Variants in DLC1 observed in about 807,000 individuals in gnomAD.
The protein encoded by DLC1 is rho GTPase-activating protein 7.
In DLC1, 54 loss-of-function variants were observed where a neutral mutation model predicts 140.3. The observed-to-expected ratio is 0.38, with a 90% CI of 0.31 to 0.48. The LOEUF is 0.48. Among genes scored for constraint, DLC1 ranks in the 20% least tolerant of loss-of-function variants. The pLI is 0.96. For missense variants in DLC1, 2,536 were observed against 1,907.0 expected, an observed-to-expected ratio of 1.33 and a Z score of -6.14; for synonymous variants, 986 against 728.1, an observed-to-expected ratio of 1.35 and a Z score of -5.70.
intron 1 of DLC1, among the ~76,000 whole-genome samples, chr8:13,506,063 G>A (rs1330431260): frequency 6.9e-6 from 1 of 143,990 alleles, no homozygotes; most frequent in East Asian, 1.9e-4. Flanking sequence ...ATGTGTGTGT[G>A]TATATATAAA....
intron 16 of DLC1, 43 bp downstream of exon 16, chr8:13,088,444 T>C (rs1817751484): frequency 1.9e-6 from 3 of 1,598,758 alleles, no homozygotes; most frequent in East Asian, 2.2e-5. Flanking sequence ...GGTTCATATA[T>C]GGAGTCATCC....
At chr8:13,220,871 G>C (rs1828509503) in intron 5 of DLC1, among the ~76,000 whole-genome samples, 1 of 152,136 alleles carries the variant, frequency 6.6e-6, no homozygotes, top group Non-Finnish European at 1.5e-5. Flanking sequence ...CTTGGAAAGG[G>C]TGACTGTGGG....
chr8:13,321,652 T>C (rs1439926344), intron 4 of DLC1, among the ~76,000 whole-genome samples: 1 of 151,924 alleles, frequency 6.6e-6, no homozygotes, highest in Non-Finnish European at 1.5e-5. Context: ...GTTAGCAGCA[T>C]TCTTTTCTGC....
At chr8:13,254,463 C>T (rs1248992188) in intron 5 of DLC1, among the ~76,000 whole-genome samples, 1 of 152,174 alleles carries the variant, frequency 6.6e-6, no homozygotes, top group African/African-American at 2.4e-5. Flanking sequence ...TGGAAACAAA[C>T]TATAACCTAT....
chr8:13,315,168 G>A (rs183113851), intron 4 of DLC1, among the ~76,000 whole-genome samples: 38 of 152,222 alleles, frequency 2.5e-4, no homozygotes, highest in African/African-American at 8.4e-4. Flanking sequence ...GAATCCCAGC[G>A]CTTTGGGAGG....
chr8:13,173,751 G>A (rs1825617568), intron 5 of DLC1, among the ~76,000 whole-genome samples: 1 of 152,126 alleles, frequency 6.6e-6, no homozygotes, highest in South Asian at 2.1e-4. Flanking sequence ...TAAAACTACA[G>A]ATTTCGAATG....
At chr8:13,487,714 A>G (rs1205939812) in intron 2 of DLC1, among the ~76,000 whole-genome samples, 1 of 151,988 alleles carries the variant, frequency 6.6e-6, no homozygotes, top group Non-Finnish European at 1.5e-5. Context: ...CTGGGATGAC[A>G]GGTGCCCACC....
chr8:13,431,482 C>CAAAAAAAAAAAAAAAAAAAAAAAAA (rs56057254), intron 2 of DLC1, among the ~76,000 whole-genome samples: 2 of 40,596 alleles, frequency 4.9e-5, no homozygotes, highest in Non-Finnish European at 7.9e-5. Context: ...GACTCCGTCT[C>CAAAAAAAAAAAAAAAAAAAAAAAAA]AAAAAAAAAA....
At chr8:13,452,425 A>G (rs41421244) in intron 2 of DLC1, among the ~76,000 whole-genome samples, 39,694 of 151,998 alleles carry the variant, frequency 0.26, 6,480 homozygotes, top group Middle Eastern at 0.38. Flanking sequence ...AACAATTTCT[A>G]CTTTACATCA....
chr8:13,484,222 A>G (rs1482398915), intron 2 of DLC1, among the ~76,000 whole-genome samples: 2 of 152,194 alleles, frequency 1.3e-5, no homozygotes, highest in Non-Finnish European at 2.9e-5. Context: ...GTAGAGAATA[A>G]AGGAAATGGA....
At chr8:13,418,671 G>C (rs1336086541) in intron 2 of DLC1, among the ~76,000 whole-genome samples, 1 of 152,150 alleles carries the variant, frequency 6.6e-6, no homozygotes, top group Admixed American at 6.5e-5. Flanking sequence ...TTGTTCTTTT[G>C]GCTTAGGATT....
intron 2 of DLC1, among the ~76,000 whole-genome samples, chr8:13,442,103 A>C (rs1798540304): frequency 6.6e-6 from 1 of 152,230 alleles, no homozygotes; most frequent in Admixed American, 6.5e-5. Context: ...AGAAATGGGG[A>C]AAGGATTCCC....
chr8:13,561,662 C>A lies in DLC1; in HGVS notation c.-126+42875G>T, dbSNP rs142119828. ...TTCATTTACCTGCTTATCTACCTACCAGAGCTTTGCAATAATAGCAGTTTA... is the reference window on the plus strand; with the variant it reads ...TTCATTTACCTGCTTATCTACCTACAAGAGCTTTGCAATAATAGCAGTTTA... On this transcript the variant is annotated intron_variant, in intron 1 of 1. Coordinates refer to the DLC1 transcript ENST00000631382. 8.5e-3 allele frequency among the ~76,000 whole-genome samples: 1,296 copies of A among 152,018 alleles called. 20 individuals are homozygous for A. Among genetic ancestry groups the A allele is most frequent in the African/African-American group, 0.029 (1,218 of 41,472 alleles).
At chr8:13,138,993 AAG>A (rs1340635902) in intron 5 of DLC1, among the ~76,000 whole-genome samples, 4 of 152,104 alleles carry the variant, frequency 2.6e-5, no homozygotes, top group African/African-American at 9.7e-5. Context: ...TGATATTTTT[AAG>A]AGAGAGAAGC....
At chr8:13,142,023 G>A (rs1402570770) in intron 5 of DLC1, among the ~76,000 whole-genome samples, 4 of 152,128 alleles carry the variant, frequency 2.6e-5, no homozygotes, top group African/African-American at 4.8e-5. Context: ...TGCTGTTCTC[G>A]TGATAGTGAG....
intron 5 of DLC1, chr8:13,214,336 G>C (rs917421947): frequency 1.4e-5 from 4 of 295,830 alleles, no homozygotes; most frequent in South Asian, 1.7e-4. Flanking sequence ...TTGTTTCCCG[G>C]GTTCTTTAGG....
intron 5 of DLC1, among the ~76,000 whole-genome samples, chr8:13,239,352 C>T (rs766442376): frequency 2.6e-5 from 4 of 151,570 alleles, no homozygotes; most frequent in Non-Finnish European, 5.9e-5. Flanking sequence ...GGAATTGCTA[C>T]GAGATATGTG....
At chr8:13,508,634 G>T (rs1802220136) in intron 1 of DLC1, among the ~76,000 whole-genome samples, 1 of 152,002 alleles carries the variant, frequency 6.6e-6, no homozygotes, top group Admixed American at 6.6e-5. Context: ...TAGCCAGGAT[G>T]GTCTTGATCT....
intron 1 of DLC1, among the ~76,000 whole-genome samples, chr8:13,521,852 A>G (rs139993225): frequency 9.7e-4 from 147 of 152,328 alleles, no homozygotes; most frequent in African/African-American, 3.3e-3. Flanking sequence ...AAAATGCTTC[A>G]TATCCATCCA....
Sources: gnomAD v4.1 joint callset for allele counts (sites outside exome capture counted in the v4.1 genomes callset) on GRCh38, gnomAD v4.1.1 for gene constraint, MANE v1.5 for transcripts, NCBI Gene and HGNC (gene_info 2026-07-23, HGNC 2026-07-21) for gene names.